PTPN20: variants seen among roughly 807,000 people sequenced by gnomAD.
PTPN20 encodes tyrosine-protein phosphatase non-receptor type 20.
Under a neutral mutation model 35.0 loss-of-function variants are expected in PTPN20, and 9 were observed. That is an observed-to-expected ratio of 0.26 (90% CI 0.15 to 0.45). The LOEUF is 0.45. PTPN20 is among the 20% of genes least tolerant of loss of function. The pLI is 1.00. For missense variants in PTPN20, 111 were observed against 312.5 expected (o/e 0.36, Z 4.86); for synonymous variants, 32 against 100.2 (o/e 0.32, Z 4.06).
At position 46,976,299 on chromosome 10, in the gene PTPN20, A is replaced by G. The variant is rs1250796297; in HGVS notation, c.584-7931A>G. On this transcript the variant is annotated intron_variant, in intron 7 of 10. Coordinates refer to ENST00000374339, the MANE Select transcript of PTPN20 (RefSeq NM_001042357.5). ...TTGTAGTATTTGTTGCTATTACTTC[A>G]TTTTCTTTCCCTTTTCCCTTAATTT... is the stretch of plus-strand genomic sequence containing the variant. 3.6e-5 allele frequency among the ~76,000 whole-genome samples: 3 copies of G among 83,960 alleles called. No homozygotes were observed. In the East Asian group the frequency reaches 8.1e-4, roughly 23 times the overall value. The allele number at this position is 83,960 out of a possible 152,430, so 55.1% of individuals were successfully genotyped here.
At chr10:47,002,580 TCAATTTC>T (rs2060121345), downstream of PTPN20, 1 of 152,024 alleles carries the variant, frequency 6.6e-6, no homozygotes, top group Admixed American at 6.6e-5. Flanking sequence ...CAATAATGAA[TCAATTTC>T]TGCCTGCAAT....
intron 7 of PTPN20, among the ~76,000 whole-genome samples, chr10:46,982,172 A>C (rs1457631879): frequency 6.6e-6 from 1 of 151,858 alleles, no homozygotes; most frequent in Non-Finnish European, 1.5e-5. Flanking sequence ...AGATTTACCT[A>C]GTCTGTGGAG....
chr10:46,940,564 A>C lies in PTPN20; in HGVS notation c.35-59A>C, dbSNP rs1414680626. On this transcript the variant is annotated intron_variant, in intron 2 of 10. Coordinates refer to ENST00000374339, the MANE Select transcript of PTPN20 (RefSeq NM_001042357.5). ...GCTTGTTTTTTCTCATTAAGGCTCC[A>C]TTTTTCCTTCTGTATAGTGTTTTCT... The C allele has an allele frequency of 4.0e-3, 6,120 of 1,518,592 alleles. 292 individuals are homozygous for C. In the African/African-American group the frequency reaches 0.076, roughly 19 times the overall value. The allele number at this position is 1,518,592 out of a possible 1,614,324, so 94.1% of individuals were successfully genotyped here. A position where few individuals can be genotyped will look rare whatever the true frequency, so the allele number is the denominator to read the frequency against.
intron 2 of PTPN20, among the ~76,000 whole-genome samples, chr10:46,938,181 C>T (rs1207064220): frequency 3.4e-5 from 5 of 149,210 alleles, no homozygotes; most frequent in African/African-American, 1.2e-4. Flanking sequence ...GAACTCCTGA[C>T]CTCGTGATCC....
chr10:47,000,834 A>G lies in PTPN20; in HGVS notation c.*93A>G, dbSNP rs894525595. 1.8e-5 allele frequency: 26 copies of G among 1,438,448 alleles called. No individual in the cohort carries two copies. Among genetic ancestry groups the G allele is most frequent in the African/African-American group, 2.8e-5 (2 of 71,380 alleles). 89.1% of individuals were successfully genotyped at this position (1,438,448 alleles called of 1,614,324 possible). A position where few individuals can be genotyped will look rare whatever the true frequency, so the allele number is the denominator to read the frequency against. On this transcript the variant is annotated 3_prime_UTR_variant, in exon 11 of 11. Coordinates refer to ENST00000374339, the MANE Select transcript of PTPN20 (RefSeq NM_001042357.5). ...TTGCACTGTGCTGAAGGGCTTTGCT[A>G]TGCATACAATCTGCTTTCTTGGTTT...
intron 9 of PTPN20, among the ~76,000 whole-genome samples, chr10:46,999,215 G>A (rs544441473): frequency 0.031 from 4,660 of 152,260 alleles, 82 homozygotes; most frequent in Non-Finnish European, 0.046. Flanking sequence ...GGTTACAGTT[G>A]ACAACATTTA....
At chr10:47,003,263 C>T (rs1181861644), downstream of PTPN20, among the ~76,000 whole-genome samples, 2 of 150,828 alleles carry the variant, frequency 1.3e-5, no homozygotes, top group Admixed American at 6.6e-5. Context: ...TTTTAGAAAC[C>T]AACAGCAACA....
In PTPN20 at chr10:46,959,572, AT is replaced by A. The variant is rs556693011; in HGVS notation, c.341-5405del. 3.0e-3 allele frequency among the ~76,000 whole-genome samples: 412 copies of A among 137,396 alleles called. 5 individuals carry two copies. The highest frequency in any genetic ancestry group is 0.011 in the African/African-American group (390 of 34,354). 90.1% of individuals were successfully genotyped at this position (137,396 alleles called of 152,430 possible). A position where few individuals can be genotyped will look rare whatever the true frequency, so the allele number is the denominator to read the frequency against. On this transcript the variant is annotated intron_variant, in intron 5 of 10. Transcript: ENST00000374339. ...ATTTCTTGTAGCTTTTTTGTTCCTC[AT>A]TTTTTTTTGCCTTACTGTCTCCTTT...
At chr10:46,993,653 A>C (rs2058449864) in intron 9 of PTPN20, among the ~76,000 whole-genome samples, 2 of 152,194 alleles carry the variant, frequency 1.3e-5, no homozygotes, top group African/African-American at 4.8e-5. Flanking sequence ...ACAAAGAAAA[A>C]ATTTTAAAAA....
chr10:46,997,566 A>T (rs1262280356), intron 9 of PTPN20, among the ~76,000 whole-genome samples: 1 of 151,782 alleles, frequency 6.6e-6, no homozygotes, highest in Non-Finnish European at 1.5e-5. Flanking sequence ...CTGATCTCAG[A>T]GGGAAAGCAA....
chr10:46,920,193 CT>C (rs541649329), intron 1 of PTPN20, among the ~76,000 whole-genome samples: 308 of 47,960 alleles, frequency 6.4e-3, no homozygotes, highest in Admixed American at 9.8e-3. Context: ...GGCTTCTTTT[CT>C]TTAGAAACAT....
chr10:47,002,368 A>G (rs1334203697), downstream of PTPN20: 1 of 152,194 alleles, frequency 6.6e-6, no homozygotes, highest in East Asian at 1.9e-4. Context: ...ATCGTCTTGT[A>G]AAGAAAAATT....
rs1420698370 is a variant in PTPN20, at chr10:46,953,335, T to A, written c.340+6660T>A. On this transcript the variant is annotated intron_variant, in intron 5 of 10. Transcript: ENST00000374339. ...TTCCAATGTATATGCCTTTCATTTC[T>A]TTTCTTTCTTTCTTTCTTTCTTTCT... Among the ~76,000 whole-genome samples the A allele has an allele frequency of 1.1e-4, 13 of 113,408 alleles. 1 individual carries two copies. The highest frequency in any genetic ancestry group is 1.7e-4 in the African/African-American group (4 of 23,892). The allele number at this position is 113,408 out of a possible 152,430, so 74.4% of individuals were successfully genotyped here.
chr10:46,975,706 G>A (rs1341874057), intron 7 of PTPN20, among the ~76,000 whole-genome samples: 7,123 of 151,338 alleles, frequency 0.047, 73 homozygotes, highest in Admixed American at 0.097. Context: ...CTGTCGCCCA[G>A]GCTGGAGTGC....
intron 5 of PTPN20, among the ~76,000 whole-genome samples, chr10:46,949,210 C>T (rs1247323967): frequency 2.0e-5 from 3 of 152,288 alleles, no homozygotes; most frequent in Middle Eastern, 6.8e-3. Context: ...TGGTTCTTCC[C>T]GTTTCCTGCT....
At chr10:46,949,501 T>C (rs1256198799) in intron 5 of PTPN20, among the ~76,000 whole-genome samples, 1 of 152,118 alleles carries the variant, frequency 6.6e-6, no homozygotes, top group Non-Finnish European at 1.5e-5. Context: ...GCAGACTACT[T>C]GGTTGCCCTG....
At chr10:46,932,247 A>G (rs1203239017) in intron 1 of PTPN20, 130 bp from the exon 2 acceptor site, 11 of 1,345,456 alleles carry the variant, frequency 8.2e-6, no homozygotes, top group Admixed American at 2.9e-5. Flanking sequence ...AAAATTTCAA[A>G]TGAAATTTAT....
intron 9 of PTPN20, among the ~76,000 whole-genome samples, chr10:46,989,953 A>AATAT (rs2057604318): frequency 1.1e-5 from 1 of 89,106 alleles, no homozygotes; most frequent in Non-Finnish European, 2.3e-5. Flanking sequence ...AGATATTTAT[A>AATAT]ATAATCTCTG....
In PTPN20 at chr10:46,938,150, C is replaced by T. The variant is rs1410601204; in HGVS notation, c.35-2473C>T. 3.3e-5 allele frequency among the ~76,000 whole-genome samples: 5 copies of T among 151,016 alleles called. No individual in the cohort carries two copies. The East Asian group carries it at 7.9e-4, about 24-fold the overall frequency. Reference sequence around the variant, plus strand: ...ATTTTTAGTAGAGATGGGGTTTCACCATGTTTGTCAGGCTGATCTCGAACT... The same window carrying T: ...ATTTTTAGTAGAGATGGGGTTTCACTATGTTTGTCAGGCTGATCTCGAACT... On this transcript the variant is annotated intron_variant, in intron 2 of 10. Coordinates refer to ENST00000374339, the MANE Select transcript of PTPN20 (RefSeq NM_001042357.5).
Sources: gnomAD v4.1 joint callset for allele counts (sites outside exome capture counted in the v4.1 genomes callset) on GRCh38, gnomAD v4.1.1 for gene constraint, MANE v1.5 for transcripts, NCBI Gene and HGNC (gene_info 2026-07-23, HGNC 2026-07-21) for gene names.